The following N4BP2L2 variants were observed in gnomAD, a reference collection of about 807,000 sequenced individuals.
N4BP2L2 encodes the protein NEDD4 binding protein 2 like 2.
In N4BP2L2, 50 loss-of-function variants were observed where a neutral mutation model predicts 56.2. The ratio of observed to expected loss-of-function variants is 0.89; its 90% CI spans 0.71 to 1.13. The LOEUF is 1.13. N4BP2L2 is among the 50% of genes most tolerant of loss of function. The pLI is 0.00. For synonymous variants in N4BP2L2, 203 were observed against 223.6 expected (o/e 0.91, Z 0.82); for missense variants, 689 against 693.8 (o/e 0.99, Z 0.08).
intron 5 of N4BP2L2, 40 bp downstream of exon 5, chr13:32,521,333 A>T: frequency 7.2e-7 from 1 of 1,386,774 alleles, no homozygotes; most frequent in Non-Finnish European, 1.0e-6. Flanking sequence ...CAAAAGAAAG[A>T]AGAAAAGTTA....
chr13:32,536,566 T>A, exon 2 of N4BP2L2: 1 of 1,613,906 alleles, frequency 6.2e-7, no homozygotes, highest in Non-Finnish European at 8.5e-7. Flanking sequence ...TCTCTTTTTG[T>A]CCTCCTCTGT....
chr13:32,442,457 C>G (rs1237854607), exon 7 of N4BP2L2: 1 of 1,612,460 alleles, frequency 6.2e-7, no homozygotes, highest in African/African-American at 1.3e-5. Flanking sequence ...AATGGTAGCT[C>G]AAGGGAACGG....
intron 6 of N4BP2L2, among the ~76,000 whole-genome samples, chr13:32,458,506 AC>A (rs1287787379): frequency 6.6e-6 from 1 of 152,230 alleles, no homozygotes; most frequent in African/African-American, 2.4e-5. Context: ...GAGTAGCTAT[AC>A]TTAGATAAAA....
At chr13:32,533,890 A>T (rs554271963) in intron 2 of N4BP2L2, among the ~76,000 whole-genome samples, 8 of 152,326 alleles carry the variant, frequency 5.3e-5, no homozygotes, top group Non-Finnish European at 1.0e-4. Context: ...CCAAATAACC[A>T]ACACCAGTTC....
chr13:32,537,658 G>C (rs372920192), intron 1 of N4BP2L2, among the ~76,000 whole-genome samples: 2 of 152,286 alleles, frequency 1.3e-5, no homozygotes, highest in South Asian at 4.1e-4. Flanking sequence ...ATTTAAAAGG[G>C]GGGAAGAGAT....
intron 6 of N4BP2L2, chr13:32,478,256 CCTT>C: frequency 3.1e-6 from 1 of 326,544 alleles, no homozygotes. Context: ...CGGTCAGACA[CCTT>C]CTTCCATCCT....
At chr13:32,458,530 C>T (rs1431657400) in intron 6 of N4BP2L2, among the ~76,000 whole-genome samples, 1 of 152,082 alleles carries the variant, frequency 6.6e-6, no homozygotes, top group Non-Finnish European at 1.5e-5. Context: ...GACTTTAAGT[C>T]TGAGACAGAG....
At chr13:32,513,794 TTAG>T (rs1766821510) in exon 6 of N4BP2L2, 1 of 152,192 alleles carries the variant, frequency 6.6e-6, no homozygotes, top group Admixed American at 6.5e-5. Context: ...TTAGCCCTTA[TTAG>T]TTATTGTATT....
At chr13:32,519,551 G>A (rs866868136) in intron 5 of N4BP2L2, among the ~76,000 whole-genome samples, 3 of 152,102 alleles carry the variant, frequency 2.0e-5, no homozygotes, top group Admixed American at 6.5e-5. Context: ...AGCTACTCAG[G>A]AGGCTGAAGC....
intron 2 of N4BP2L2, among the ~76,000 whole-genome samples, chr13:32,535,133 C>T (rs1184402102): frequency 6.6e-6 from 1 of 152,154 alleles, no homozygotes; most frequent in Non-Finnish European, 1.5e-5. Flanking sequence ...CATTTGATTC[C>T]CAATTCCAGA....
intron 4 of N4BP2L2, chr13:32,521,712 A>C: frequency 2.9e-6 from 1 of 339,022 alleles, no homozygotes; most frequent in Non-Finnish European, 5.3e-6. Flanking sequence ...GTGGTGGCTC[A>C]TGCCTGTAAT....
exon 6 of N4BP2L2, chr13:32,514,208 G>T (rs2048713754): frequency 6.6e-6 from 1 of 151,826 alleles, no homozygotes; most frequent in Admixed American, 6.6e-5. Context: ...CTTTTACAAA[G>T]ATAAATACTG....
Position 32,467,914 on chromosome 13 carries a change from C to T in N4BP2L2, c.366-23788G>A, listed in dbSNP as rs148735295. ...CTGAGGTGGGAGAATCACTTGAACC[C>T]GGGAGGCAGAGGTAGCAGTGAGGCG... On this transcript the variant is annotated intron_variant, in intron 6 of 9. Transcript: ENST00000357505. Among the ~76,000 whole-genome samples the T allele has an allele frequency of 2.3e-3, 334 of 147,338 alleles. 3 individuals are homozygous for T. The highest frequency in any genetic ancestry group is 7.5e-3 in the African/African-American group (304 of 40,468).
chr13:32,460,493 A>G (rs2079840748), intron 6 of N4BP2L2, among the ~76,000 whole-genome samples: 1 of 152,214 alleles, frequency 6.6e-6, no homozygotes, highest in Non-Finnish European at 1.5e-5. Flanking sequence ...AATCAGTGGT[A>G]TTGCTATATA....
exon 2 of N4BP2L2, chr13:32,536,096 G>A: frequency 6.2e-7 from 1 of 1,614,018 alleles, no homozygotes; most frequent in South Asian, 1.1e-5. Flanking sequence ...TTGTATCTGA[G>A]AGTCATCTTG....
At chr13:32,487,836 T>C (rs1209028179) in intron 6 of N4BP2L2, among the ~76,000 whole-genome samples, 3 of 151,862 alleles carry the variant, frequency 2.0e-5, no homozygotes, top group South Asian at 2.1e-4. Context: ...TGAATAATTA[T>C]GCTTACTATA....
exon 7 of N4BP2L2, chr13:32,442,816 C>A: frequency 6.2e-7 from 1 of 1,613,604 alleles, no homozygotes; most frequent in South Asian, 1.1e-5. Context: ...ATGAGAATAA[C>A]GCTGTCCATC....
intron 6 of N4BP2L2, among the ~76,000 whole-genome samples, chr13:32,473,376 C>A (rs904283619): frequency 6.6e-6 from 1 of 151,652 alleles, no homozygotes; most frequent in African/African-American, 2.4e-5. Flanking sequence ...TAAAAACAAC[C>A]AAAGATAACA....
chr13:32,469,998 A>G (rs1593638762), intron 6 of N4BP2L2, among the ~76,000 whole-genome samples: 1 of 152,166 alleles, frequency 6.6e-6, no homozygotes, highest in East Asian at 1.9e-4. Context: ...GAACACGTAT[A>G]AGTTTCTGGG....
Sources: gnomAD v4.1 joint callset for allele counts (sites outside exome capture counted in the v4.1 genomes callset) on GRCh38, gnomAD v4.1.1 for gene constraint, MANE v1.5 for transcripts, NCBI Gene and HGNC (gene_info 2026-07-23, HGNC 2026-07-21) for gene names.